CIMIP2C: variants seen among roughly 807,000 people sequenced by gnomAD.
CIMIP2C encodes ciliary microtubule inner protein 2C, also known as UPF0573 protein C2orf70.
the CIMIP2C span, among the ~76,000 whole-genome samples, chr2:26,566,207 C>T: frequency 6.6e-6 from 1 of 152,240 alleles, no homozygotes; most frequent in Non-Finnish European, 1.5e-5. Context: ...TCCTGCCCAG[C>T]GGCTCTCACC....
At chr2:26,564,120 T>A in the CIMIP2C span, among the ~76,000 whole-genome samples, 1 of 152,216 alleles carries the variant, frequency 6.6e-6, no homozygotes, top group African/African-American at 2.4e-5. Context: ...TGTAAACACA[T>A]AAGGTTTAGT....
chr2:26,567,679 G>C, the CIMIP2C span, among the ~76,000 whole-genome samples: 1 of 152,218 alleles, frequency 6.6e-6, no homozygotes, highest in Non-Finnish European at 1.5e-5. Flanking sequence ...AAACAGGCCA[G>C]TGCATCTTGG....
chr2:26,573,926 C>T, the CIMIP2C span, among the ~76,000 whole-genome samples: 2 of 152,352 alleles, frequency 1.3e-5, no homozygotes, highest in Admixed American at 6.5e-5. Flanking sequence ...GCAGGACTCA[C>T]TTTGTGTGAG....
At chr2:26,567,264 G>C in the CIMIP2C span, among the ~76,000 whole-genome samples, 1 of 152,292 alleles carries the variant, frequency 6.6e-6, no homozygotes, top group East Asian at 1.9e-4. Flanking sequence ...CATGGGGGCA[G>C]TTCCCCCATC....
chr2:26,571,093 A>T, the CIMIP2C span, among the ~76,000 whole-genome samples: 2 of 151,772 alleles, frequency 1.3e-5, no homozygotes, highest in Admixed American at 1.3e-4. Flanking sequence ...ATCCATTGCC[A>T]GGCATGTGGA....
the CIMIP2C span, chr2:26,562,761 G>GC: frequency 2.1e-4 from 267 of 1,301,384 alleles, no homozygotes; most frequent in Non-Finnish European, 2.7e-4. Context: ...TCAGCCCCCT[G>GC]CCCCCGGACT....
chr2:26,573,666 A>G, the CIMIP2C span, among the ~76,000 whole-genome samples: 64 of 152,220 alleles, frequency 4.2e-4, no homozygotes, highest in South Asian at 0.013. Flanking sequence ...TCCGCGGGGA[A>G]CTCAGGGGGC....
chr2:26,567,158 T>TA, the CIMIP2C span, among the ~76,000 whole-genome samples: 1 of 152,246 alleles, frequency 6.6e-6, no homozygotes, highest in African/African-American at 2.4e-5. Flanking sequence ...GCCCCTGTGA[T>TA]ATGGTTTGGC....
At chr2:26,572,355 T>C in the CIMIP2C span, among the ~76,000 whole-genome samples, 1 of 152,118 alleles carries the variant, frequency 6.6e-6, no homozygotes, top group African/African-American at 2.4e-5. Flanking sequence ...GTTGGTTTTT[T>C]TTTTTTTTTC....
chr2:26,567,052 A>G, the CIMIP2C span, among the ~76,000 whole-genome samples: 3 of 152,354 alleles, frequency 2.0e-5, no homozygotes, highest in East Asian at 5.8e-4. Context: ...GATATTGAAT[A>G]CTGGCTTGTT....
the CIMIP2C span, chr2:26,577,494 C>G: frequency 1.4e-5 from 23 of 1,604,580 alleles, no homozygotes; most frequent in Non-Finnish European, 2.0e-5. Context: ...AACCTGTCAT[C>G]TCTTCCTTGA....
the CIMIP2C span, chr2:26,577,680 G>T: frequency 7.3e-7 from 1 of 1,375,706 alleles, no homozygotes; most frequent in Non-Finnish European, 1.0e-6. Flanking sequence ...CACCCATGGG[G>T]CACCTGCTCT....
At chr2:26,579,290 C>T in the CIMIP2C span, 1 of 1,613,976 alleles carries the variant, frequency 6.2e-7, no homozygotes, top group South Asian at 1.1e-5. Context: ...ATCCTCACCC[C>T]TAGGCCTCCT....
chr2:26,572,026 C>T, the CIMIP2C span: 1 of 1,325,484 alleles, frequency 7.5e-7, no homozygotes, highest in African/African-American at 1.5e-5. Context: ...CAAAAAGATC[C>T]CACTATAGGA....
the CIMIP2C span, among the ~76,000 whole-genome samples, chr2:26,569,439 G>A: frequency 1.3e-5 from 2 of 152,200 alleles, no homozygotes; most frequent in Admixed American, 6.5e-5. Flanking sequence ...CCCTTGAAGG[G>A]TTTTGCCCTG....
chr2:26,576,830 T>A, the CIMIP2C span, among the ~76,000 whole-genome samples: 1 of 152,200 alleles, frequency 6.6e-6, no homozygotes, highest in African/African-American at 2.4e-5. Flanking sequence ...TTCAGACACA[T>A]CCCCAGAGAC....
At chr2:26,573,884 A>T in the CIMIP2C span, among the ~76,000 whole-genome samples, 2 of 152,332 alleles carry the variant, frequency 1.3e-5, no homozygotes, top group African/African-American at 4.8e-5. Flanking sequence ...AGGAAGGCAC[A>T]ACTGTTGAGG....
the CIMIP2C span, among the ~76,000 whole-genome samples, chr2:26,566,543 T>G: frequency 6.6e-6 from 1 of 152,240 alleles, no homozygotes; most frequent in Non-Finnish European, 1.5e-5. Context: ...GATTTCAAAC[T>G]ATCAACATAG....
chr2:26,562,766 C>T, the CIMIP2C span: 1 of 1,271,404 alleles, frequency 7.9e-7, no homozygotes, highest in East Asian at 2.6e-5. Flanking sequence ...CCCCTGCCCC[C>T]GGACTTTGGG....
Sources: allele counts gnomAD v4.1 joint callset (sites outside exome capture counted in the v4.1 genomes callset), GRCh38; gene constraint gnomAD v4.1.1; transcripts MANE v1.5; gene names NCBI Gene and HGNC (gene_info 2026-07-23, HGNC 2026-07-21).